Variants in ARHGEF4 observed in about 807,000 individuals in gnomAD.
ARHGEF4 encodes the protein APC-stimulated guanine nucleotide exchange factor 1.
Under a neutral mutation model 162.0 loss-of-function variants are expected in ARHGEF4, and 119 were observed. That is an observed-to-expected ratio of 0.73 (90% CI 0.63 to 0.86). ARHGEF4 has a LOEUF of 0.86. Among genes scored for constraint, ARHGEF4 ranks in the 40% least tolerant of loss-of-function variants. The probability of loss-of-function intolerance (pLI) is 0.00; values close to 1 mark genes in which losing one functional copy is unlikely to be tolerated. For synonymous variants in ARHGEF4, 1,014 were observed against 979.9 expected (o/e 1.03, Z -0.65); for missense variants, 2,488 against 2,456.0 (o/e 1.01, Z -0.28).
intron 1 of ARHGEF4, among the ~76,000 whole-genome samples, chr2:130,846,586 G>T (rs963544099): frequency 2.6e-5 from 4 of 152,236 alleles, no homozygotes; most frequent in African/African-American, 7.2e-5. Flanking sequence ...AAGGGACTTA[G>T]GGCAGGATTC....
At chr2:130,924,454 G>A (rs1369837776) in intron 2 of ARHGEF4, among the ~76,000 whole-genome samples, 3 of 152,062 alleles carry the variant, frequency 2.0e-5, no homozygotes, top group Non-Finnish European at 2.9e-5. Flanking sequence ...TTTTAGTAGA[G>A]ACGGGGTTTC....
intron 3 of ARHGEF4, among the ~76,000 whole-genome samples, chr2:130,940,356 G>T (rs1351441299): frequency 2.6e-5 from 4 of 151,886 alleles, no homozygotes; most frequent in Non-Finnish European, 4.4e-5. Flanking sequence ...TCAAATAGAG[G>T]GGATAGCAAC....
At chr2:130,894,572 A>C (rs1411594382) in intron 1 of ARHGEF4, among the ~76,000 whole-genome samples, 1 of 152,050 alleles carries the variant, frequency 6.6e-6, no homozygotes, top group Non-Finnish European at 1.5e-5. Context: ...TGGAGAGGAG[A>C]TTTCACTGTT....
At chr2:130,944,561 A>G (rs549919041) in intron 3 of ARHGEF4, among the ~76,000 whole-genome samples, 2 of 152,226 alleles carry the variant, frequency 1.3e-5, no homozygotes, top group East Asian at 3.9e-4. Flanking sequence ...GTACTCTGCC[A>G]CTGGATTTTA....
rs1439539192 is a variant in ARHGEF4, at chr2:131,044,549, G to A, written c.5401+7G>A. 1 of 1,548,808 alleles carries A rather than the reference G, an allele frequency of 6.5e-7. No homozygotes were observed. The highest frequency in any genetic ancestry group is 2.4e-5 in the East Asian group (1 of 40,896). ...CAGCTGGACCAGGAGACAGGTTCGA[G>A]ACCCTGCTGGGCCTTGCCCCGCCCC... On this transcript the variant is annotated splice_region_variant and intron_variant, in intron 12 of 13. Transcript: ENST00000409359.
At chr2:130,947,862 T>C (rs916220640) in intron 4 of ARHGEF4, among the ~76,000 whole-genome samples, 1 of 152,166 alleles carries the variant, frequency 6.6e-6, no homozygotes, top group Non-Finnish European at 1.5e-5. Flanking sequence ...GCAGATTGTG[T>C]TAGGTGGTGA....
chr2:130,988,420 C>G (rs766996483), intron 4 of ARHGEF4, among the ~76,000 whole-genome samples: 6 of 152,228 alleles, frequency 3.9e-5, no homozygotes, highest in African/African-American at 7.2e-5. Flanking sequence ...GAGATTGGCT[C>G]TGTTTCAGAG....
chr2:131,002,896 C>T lies in ARHGEF4; in HGVS notation c.3986-25049C>T, dbSNP rs538492111. 3.0e-4 allele frequency among the ~76,000 whole-genome samples: 46 copies of T among 152,134 alleles called. No homozygotes were observed. In the South Asian group the frequency reaches 7.9e-3, roughly 26 times the overall value. ...CACTTCTGAGTTCATAGAATGAGCA[C>T]CCTAGCCCTATGGTTTTGTAAGTAG... On this transcript the variant is annotated intron_variant, in intron 4 of 13. Coordinates refer to ENST00000409359, the MANE Select transcript of ARHGEF4 (RefSeq NM_001367493.1).
intron 13 of ARHGEF4, chr2:131,045,647 C>T: frequency 6.7e-7 from 1 of 1,491,500 alleles, no homozygotes; most frequent in South Asian, 1.3e-5. Context: ...GACATTCTTA[C>T]TCTCAACACC....
chr2:130,855,898 T>G (rs75674935), intron 1 of ARHGEF4, among the ~76,000 whole-genome samples: 2,163 of 152,308 alleles, frequency 0.014, 53 homozygotes, highest in African/African-American at 0.049. Flanking sequence ...ACAGGACAAG[T>G]ATTAGTATCA....
intron 4 of ARHGEF4, among the ~76,000 whole-genome samples, chr2:130,985,875 T>C (rs1406482596): frequency 1.3e-5 from 2 of 151,724 alleles, no homozygotes; most frequent in African/African-American, 4.8e-5. Flanking sequence ...GTGTGCGTGG[T>C]GTGTATTGTA....
At chr2:130,884,254 GCA>G (rs1041882770) in intron 1 of ARHGEF4, among the ~76,000 whole-genome samples, 7 of 151,562 alleles carry the variant, frequency 4.6e-5, no homozygotes, top group South Asian at 2.1e-4. Context: ...GCATACACAT[GCA>G]CACACACGTG....
intron 1 of ARHGEF4, among the ~76,000 whole-genome samples, chr2:130,888,692 T>A (rs1324591821): frequency 6.6e-6 from 1 of 152,146 alleles, no homozygotes; most frequent in Non-Finnish European, 1.5e-5. Context: ...TTAGGGATGA[T>A]CCTCTGCTAC....
intron 4 of ARHGEF4, among the ~76,000 whole-genome samples, chr2:131,025,055 T>A (rs1346918196): frequency 6.6e-6 from 1 of 152,064 alleles, no homozygotes; most frequent in Non-Finnish European, 1.5e-5. Flanking sequence ...ATTAGTCCAT[T>A]CTCACAGTCC....
chr2:130,846,819 T>A (rs1434004235), intron 1 of ARHGEF4, among the ~76,000 whole-genome samples: 2 of 152,154 alleles, frequency 1.3e-5, no homozygotes, highest in African/African-American at 2.4e-5. Context: ...TGCTCAGACA[T>A]GAGTCCGGAG....
chr2:131,040,511 C>A (rs939554803), intron 8 of ARHGEF4, 71 bp downstream of exon 8: 88 of 1,461,158 alleles, frequency 6.0e-5, no homozygotes, highest in Non-Finnish European at 7.8e-5. Context: ...CCAGCGCGGA[C>A]AGCGGGTGGC....
intron 9 of ARHGEF4, 176 bp downstream of exon 9, chr2:131,041,638 G>A (rs1690817682): frequency 5.3e-6 from 6 of 1,126,774 alleles, no homozygotes; most frequent in Non-Finnish European, 7.6e-6. Context: ...AGGATATTAA[G>A]CTCTGCTCTG....
At chr2:130,844,912 C>T (rs981971295) in intron 1 of ARHGEF4, among the ~76,000 whole-genome samples, 3 of 151,902 alleles carry the variant, frequency 2.0e-5, no homozygotes, top group Non-Finnish European at 4.4e-5. Context: ...GCAACCTCCA[C>T]CTCCGGGTTC....
rs1573722694 is a variant in ARHGEF4 at position 131,046,079 on chromosome 2, G to A, written c.5521G>A (p.Ala1841Thr). 6.2e-7 allele frequency: 1 copy of A among 1,612,834 alleles called. No homozygotes were observed. The highest frequency in any genetic ancestry group is 1.1e-5 in the South Asian group (1 of 91,040). ...CTACCTGACGCGCCAGAAGCACCCA[G>A]CCCTGCCCAGCAACCGGCCCCAGCA... ...PCYLTRQKHP[A>T]LPSNRPQQQV... The change falls in exon 14 of 14, where the codon GCC becomes ACC. Residue 1841 changes from alanine to threonine, a missense_variant. By Grantham distance (58) the Ala-to-Thr change is moderately conservative. This residue lies in a region of ARHGEF4 where 415 missense variants were observed against 512.4 expected (regional missense o/e 0.81). Coordinates refer to ENST00000409359, the MANE Select transcript of ARHGEF4 (RefSeq NM_001367493.1).
Sources: allele counts gnomAD v4.1 joint callset (sites outside exome capture counted in the v4.1 genomes callset), GRCh38; gene constraint gnomAD v4.1.1; regional missense constraint gnomAD v4.1.1; transcripts MANE v1.5; gene names NCBI Gene and HGNC (gene_info 2026-07-23, HGNC 2026-07-21).